The following TAMM41 variants were observed in gnomAD, a reference collection of about 807,000 sequenced individuals.
TAMM41 encodes phosphatidate cytidylyltransferase, mitochondrial.
In TAMM41, 36 loss-of-function variants were observed where a neutral mutation model predicts 44.1. That is an observed-to-expected ratio of 0.82 (90% CI 0.63 to 1.08). The LOEUF (loss-of-function observed/expected upper bound fraction) is 1.08. Ranked by LOEUF, TAMM41 falls within the 50% of genes least tolerant of loss-of-function variation. TAMM41 has a pLI of 0.00. For missense variants in TAMM41, 417 were observed against 404.3 expected, an observed-to-expected ratio of 1.03 and a Z score of -0.27; for synonymous variants, 164 against 153.1, an observed-to-expected ratio of 1.07 and a Z score of -0.53.
chr3:11,729,202 A>C, the TAMM41 span, among the ~76,000 whole-genome samples: 5 of 152,136 alleles, frequency 3.3e-5, no homozygotes, highest in Admixed American at 6.6e-5. Flanking sequence ...GTCCTCATGC[A>C]AGGAATTTTC....
At chr3:11,798,116 C>A (rs1050110082) in intron 7 of TAMM41, among the ~76,000 whole-genome samples, 1 of 152,118 alleles carries the variant, frequency 6.6e-6, no homozygotes, top group Non-Finnish European at 1.5e-5. Context: ...AAAAAGAGAA[C>A]TGCCATTTGA....
rs1057240382 is a variant in TAMM41 at position 11,846,776 on chromosome 3, G to A, written c.-140C>T. 45 of 1,096,740 alleles carry A rather than the reference G, an allele frequency of 4.1e-5. No individual in the cohort carries two copies. In the Admixed American group the frequency reaches 7.2e-4, roughly 17 times the overall value. 67.9% of individuals were successfully genotyped at this position (1,096,740 alleles called of 1,614,324 possible). On this transcript the variant is annotated 5_prime_UTR_variant, in exon 1 of 8. Coordinates refer to ENST00000455809, the MANE Select transcript of TAMM41 (RefSeq NM_001284401.2). ...GGACACAAGGCTGAGTGTGGGGTGGGACTGCAAGCACACGCAAGGATTGGG... is the reference window on the plus strand; with the variant it reads ...GGACACAAGGCTGAGTGTGGGGTGGAACTGCAAGCACACGCAAGGATTGGG...
intron 3 of TAMM41, among the ~76,000 whole-genome samples, chr3:11,834,300 C>T (rs958055240): frequency 3.3e-5 from 5 of 152,084 alleles, no homozygotes; most frequent in African/African-American, 7.2e-5. Flanking sequence ...GCAATGAATA[C>T]ATTAAATCAA....
chr3:11,797,769 A>T (rs189500747), intron 7 of TAMM41, among the ~76,000 whole-genome samples: 2 of 152,336 alleles, frequency 1.3e-5, no homozygotes, highest in Admixed American at 6.5e-5. Flanking sequence ...TATGTCCAGC[A>T]TCTATAAAGA....
chr3:11,807,691 T>C, intron 7 of TAMM41, 142 bp downstream of exon 7: 4 of 1,536,332 alleles, frequency 2.6e-6, no homozygotes, highest in South Asian at 1.2e-5. Flanking sequence ...TGTTTGTACC[T>C]TACTGCAATA....
chr3:11,824,855 T>G (rs2078677908), intron 4 of TAMM41, among the ~76,000 whole-genome samples: 1 of 152,006 alleles, frequency 6.6e-6, no homozygotes, highest in Admixed American at 6.6e-5. Context: ...TAGCCGACTG[T>G]GGAAAGTGCT....
the TAMM41 span, among the ~76,000 whole-genome samples, chr3:11,756,121 A>G: frequency 6.6e-6 from 1 of 152,186 alleles, no homozygotes; most frequent in African/African-American, 2.4e-5. Context: ...GGCTCAAATG[A>G]CTTTTATAAA....
At chr3:11,773,622 G>A in the TAMM41 span, among the ~76,000 whole-genome samples, 1 of 152,202 alleles carries the variant, frequency 6.6e-6, no homozygotes, top group Non-Finnish European at 1.5e-5. Context: ...ACTTGACCCT[G>A]AGTAGCTCAA....
chr3:11,826,439 G>A (rs946798844), intron 4 of TAMM41, among the ~76,000 whole-genome samples: 1 of 151,442 alleles, frequency 6.6e-6, no homozygotes, highest in African/African-American at 2.4e-5. Flanking sequence ...TGAGGTGGGA[G>A]GGTTGCTTGG....
chr3:11,724,105 T>G, the TAMM41 span, among the ~76,000 whole-genome samples: 1 of 151,624 alleles, frequency 6.6e-6, no homozygotes, highest in Admixed American at 6.6e-5. Context: ...ATTTATTTAT[T>G]TATTTATTTT....
At chr3:11,845,897 A>C (rs1334630415) in intron 1 of TAMM41, among the ~76,000 whole-genome samples, 1 of 152,264 alleles carries the variant, frequency 6.6e-6, no homozygotes, top group African/African-American at 2.4e-5. Context: ...GTGCTGAGCG[A>C]GGGTAAATAC....
the TAMM41 span, among the ~76,000 whole-genome samples, chr3:11,732,954 TGAG>T: frequency 1.3e-4 from 20 of 151,492 alleles, no homozygotes; most frequent in Non-Finnish European, 2.2e-4. Flanking sequence ...GGAAGCCACT[TGAG>T]GGAGTTTAGG....
At chr3:11,761,463 C>T in the TAMM41 span, among the ~76,000 whole-genome samples, 1 of 152,074 alleles carries the variant, frequency 6.6e-6, no homozygotes, top group African/African-American at 2.4e-5. Flanking sequence ...GGGCTCTCCA[C>T]TCATAGAGGA....
the TAMM41 span, among the ~76,000 whole-genome samples, chr3:11,767,643 T>TTTTTTTTTTTTTTTTTTTTTTTTAAA: frequency 7.2e-6 from 1 of 139,034 alleles, no homozygotes; most frequent in African/African-American, 2.7e-5. Context: ...TTTTTTTTTT[T>TTTTTTTTTTTTTTTTTTTTTTTTAAA]GAGACAGAGT....
chr3:11,773,120 C>A, the TAMM41 span, among the ~76,000 whole-genome samples: 2 of 151,986 alleles, frequency 1.3e-5, no homozygotes, highest in African/African-American at 4.8e-5. Context: ...CCATGTCCAG[C>A]TAATTTTTAT....
At chr3:11,740,087 CA>C in the TAMM41 span, among the ~76,000 whole-genome samples, 2 of 138,866 alleles carry the variant, frequency 1.4e-5, no homozygotes, top group Non-Finnish European at 3.0e-5. Flanking sequence ...AAAAACAAAA[CA>C]AAACAAAAAA....
the TAMM41 span, among the ~76,000 whole-genome samples, chr3:11,740,989 G>A: frequency 8.2e-5 from 12 of 146,256 alleles, no homozygotes; most frequent in Admixed American, 6.7e-4. Flanking sequence ...GGGAGGCTGA[G>A]GTGGATGGAT....
intron 5 of TAMM41, among the ~76,000 whole-genome samples, chr3:11,812,062 G>C (rs1434226328): frequency 1.8e-4 from 28 of 152,070 alleles, no homozygotes; most frequent in Non-Finnish European, 4.4e-5. Context: ...CGAGTAGCTG[G>C]GATTACAGGC....
At chr3:11,798,419 T>C (rs907252955) in intron 7 of TAMM41, among the ~76,000 whole-genome samples, 1 of 152,116 alleles carries the variant, frequency 6.6e-6, no homozygotes. Flanking sequence ...ATGCTGCATA[T>C]TCTCACTTAC....
Sources: allele counts gnomAD v4.1 joint callset (sites outside exome capture counted in the v4.1 genomes callset), GRCh38; gene constraint gnomAD v4.1.1; transcripts MANE v1.5; gene names NCBI Gene and HGNC (gene_info 2026-07-23, HGNC 2026-07-21).